The following ELP1 variants were observed in gnomAD, a reference collection of about 807,000 sequenced individuals.
ELP1 encodes elongator acetyltransferase complex subunit 1.
ELP1 carries 131 observed loss-of-function variants against 183.2 expected under a neutral mutation model. The ratio of observed to expected loss-of-function variants is 0.72; its 90% CI spans 0.62 to 0.83. The LOEUF (loss-of-function observed/expected upper bound fraction) is 0.83, where lower values mean the gene tolerates loss of function less well. Among genes scored for constraint, ELP1 ranks in the 40% least tolerant of loss-of-function variants. The probability of loss-of-function intolerance (pLI) is 0.00; values close to 1 mark genes in which losing one functional copy is unlikely to be tolerated. For synonymous variants in ELP1, 555 were observed against 569.0 expected (o/e 0.98, Z 0.35); for missense variants, 1,550 against 1,594.9 (o/e 0.97, Z 0.48).
intron 3 of ELP1, among the ~76,000 whole-genome samples, chr9:108,928,906 G>A (rs1196616783): frequency 1.3e-5 from 2 of 152,138 alleles, no homozygotes; most frequent in Non-Finnish European, 2.9e-5. Context: ...AGACTGCTAG[G>A]GTCAAACCCC....
At chr9:108,891,043 T>C (rs745776748) in intron 28 of ELP1, among the ~76,000 whole-genome samples, 160 bp downstream of exon 28, 12 of 152,350 alleles carry the variant, frequency 7.9e-5, no homozygotes, top group Middle Eastern at 3.4e-3. Context: ...ACTCTTGCTG[T>C]AGTAGCTTAT....
chr9:108,916,099 G>T, intron 10 of ELP1, 105 bp downstream of exon 10: 1 of 889,214 alleles, frequency 1.1e-6, no homozygotes, highest in Non-Finnish European at 1.9e-6. Flanking sequence ...CAGCATCTTT[G>T]ATTCTACTAA....
chr9:108,873,643 G>A (rs1827572544), intron 36 of ELP1, among the ~76,000 whole-genome samples: 1 of 152,140 alleles, frequency 6.6e-6, no homozygotes, highest in Non-Finnish European at 1.5e-5. Flanking sequence ...AACACAGGAG[G>A]CAGAAATCAC....
chr9:108,869,938 T>G (rs377512640), intron 36 of ELP1, among the ~76,000 whole-genome samples: 3 of 152,280 alleles, frequency 2.0e-5, no homozygotes, highest in East Asian at 1.9e-4. Context: ...GGGTTATGGG[T>G]GCGGACCCCC....
rs775166930 is a variant in ELP1 at position 108,900,240 on chromosome 9, T to G, written c.2130+20A>C. 43 of 1,502,766 alleles carry G rather than the reference T, an allele frequency of 2.9e-5. No individual in the cohort carries two copies. Among genetic ancestry groups the G allele is most frequent in the African/African-American group, 5.5e-5 (4 of 72,812 alleles). The allele number at this position is 1,502,766 out of a possible 1,614,324, so 93.1% of individuals were successfully genotyped here. ...TGAATGACAATCAGACTATCTATCT[T>G]GTCTGAAAAACCAGCTTACCTGTAA... is the stretch of plus-strand genomic sequence containing the variant. On this transcript the variant is annotated intron_variant, in intron 19 of 36. Coordinates refer to ENST00000374647, the MANE Select transcript of ELP1 (RefSeq NM_003640.5).
chr9:108,916,975 T>C (rs1829459123), intron 9 of ELP1, among the ~76,000 whole-genome samples: 1 of 152,254 alleles, frequency 6.6e-6, no homozygotes, highest in Non-Finnish European at 1.5e-5. Context: ...GGAAAAATTA[T>C]GCTTTTGTCA....
At chr9:108,903,817 A>T (rs1828912353) in intron 14 of ELP1, 148 bp from the exon 15 acceptor site, 1 of 639,200 alleles carries the variant, frequency 1.6e-6, no homozygotes, top group African/African-American at 2.4e-5. Context: ...ATACACACCC[A>T]ATACTATACA....
Position 108,930,999 on chromosome 9 carries a change from C to T in ELP1, c.148G>A (p.Glu50Lys). ...GLIEVDPVSR[E>K]VKNEVSLVAE... ...GGCATTCTACATCAGTAACTTACTTCTCTTGAGACAGGGTCTACTTCTATC... is the reference window on the plus strand; with the variant it reads ...GGCATTCTACATCAGTAACTTACTTTTCTTGAGACAGGGTCTACTTCTATC... Residue 50 changes from glutamate to lysine, a missense_variant and splice_region_variant, in exon 2 of 37, where the codon GAA becomes AAA. Coordinates refer to ENST00000374647, the MANE Select transcript of ELP1 (RefSeq NM_003640.5). 1 of 1,614,154 alleles carries T rather than the reference C, an allele frequency of 6.2e-7. No individual in the cohort carries two copies.
intron 6 of ELP1, among the ~76,000 whole-genome samples, chr9:108,920,704 T>A (rs997279704): frequency 6.6e-6 from 1 of 152,222 alleles, no homozygotes; most frequent in Non-Finnish European, 1.5e-5. Context: ...AGTACTTGTA[T>A]CTGCCTACTC....
At chr9:108,871,147 T>C (rs1013759792) in intron 36 of ELP1, among the ~76,000 whole-genome samples, 2 of 152,122 alleles carry the variant, frequency 1.3e-5, no homozygotes, top group Non-Finnish European at 2.9e-5. Context: ...GATGGCATCA[T>C]TGATGGTGTA....
chr9:108,920,919 A>AT (rs1305873757), intron 6 of ELP1, among the ~76,000 whole-genome samples: 2 of 152,224 alleles, frequency 1.3e-5, no homozygotes, highest in African/African-American at 4.8e-5. Context: ...TTAATACTAG[A>AT]TAAGTCTTAC....
At chr9:108,910,312 G>T (rs1437586748) in intron 12 of ELP1, among the ~76,000 whole-genome samples, 1 of 152,168 alleles carries the variant, frequency 6.6e-6, no homozygotes, top group East Asian at 1.9e-4. Context: ...TGAAAGTAAG[G>T]ACTTCCCATT....
At chr9:108,872,803 TGAAAAAAAAAAAAAAAAAAAAA>T (rs1456531011) in intron 36 of ELP1, among the ~76,000 whole-genome samples, 2 of 62,788 alleles carry the variant, frequency 3.2e-5, no homozygotes, top group African/African-American at 7.8e-5. Context: ...AGACTCTGTC[TGAAAAAAAAAAAAAAAAAAAAA>T]AAAAAAAAAA....
At chr9:108,876,389 TGC>T (rs1827706750) in intron 35 of ELP1, among the ~76,000 whole-genome samples, 1 of 152,210 alleles carries the variant, frequency 6.6e-6, no homozygotes, top group Non-Finnish European at 1.5e-5. Flanking sequence ...GATTCCTAGT[TGC>T]TTTTATTTCA....
At chr9:108,880,679 C>T (rs1827893229) in intron 31 of ELP1, among the ~76,000 whole-genome samples, 1 of 152,120 alleles carries the variant, frequency 6.6e-6, no homozygotes, top group Non-Finnish European at 1.5e-5. Flanking sequence ...TCCAAGGATG[C>T]ATTTTATTAA....
At chr9:108,923,003 A>C (rs1049000179) in intron 5 of ELP1, 76 bp from the exon 6 acceptor site, 54 of 1,092,712 alleles carry the variant, frequency 4.9e-5, no homozygotes, top group Non-Finnish European at 7.3e-5. Context: ...ATTCTTCATG[A>C]AGTTAGTCAT....
chr9:108,906,956 C>A (rs1472607172), intron 13 of ELP1, among the ~76,000 whole-genome samples: 3 of 152,168 alleles, frequency 2.0e-5, no homozygotes, highest in Non-Finnish European at 4.4e-5. Context: ...ATTTATACAC[C>A]TGACCAGCGC....
At chr9:108,882,213 A>T in intron 29 of ELP1, 26 bp from the exon 30 acceptor site, 1 of 1,604,360 alleles carries the variant, frequency 6.2e-7, no homozygotes, top group Non-Finnish European at 8.5e-7. Context: ...GAAGAAGACA[A>T]CAAGTGAAGA....
intron 6 of ELP1, among the ~76,000 whole-genome samples, chr9:108,921,929 T>TA (rs1242015621): frequency 2.6e-5 from 4 of 152,370 alleles, no homozygotes; most frequent in Admixed American, 2.0e-4. Context: ...TATATGCTAT[T>TA]ACCTGCCCAT....
Sources: allele counts gnomAD v4.1 joint callset (sites outside exome capture counted in the v4.1 genomes callset), GRCh38; gene constraint gnomAD v4.1.1; transcripts MANE v1.5; gene names NCBI Gene and HGNC (gene_info 2026-07-23, HGNC 2026-07-21).